Variants in NOVA1 observed in about 807,000 individuals in gnomAD.
NOVA1 encodes the protein NOVA alternative splicing regulator 1.
In NOVA1, 7 loss-of-function variants were observed where a neutral mutation model predicts 38.0. That is an observed-to-expected ratio of 0.18 (90% CI 0.10 to 0.35). The LOEUF is 0.35. Among genes scored for constraint, NOVA1 ranks in the 10% least tolerant of loss-of-function variants. NOVA1 has a pLI of 1.00. For synonymous variants in NOVA1, 270 were observed against 232.5 expected (o/e 1.16, Z -1.47); for missense variants, 460 against 616.0 (o/e 0.75, Z 2.68).
chr14:26,538,098 G>A (rs1325315148), intron 2 of NOVA1, among the ~76,000 whole-genome samples: 1 of 152,148 alleles, frequency 6.6e-6, no homozygotes, highest in African/African-American at 2.4e-5. Flanking sequence ...AAGACTCAGA[G>A]CCAAATCAAG....
intron 2 of NOVA1, among the ~76,000 whole-genome samples, chr14:26,517,134 T>C (rs28575378): frequency 0.021 from 3,230 of 152,170 alleles, 111 homozygotes; most frequent in African/African-American, 0.074. Context: ...CTCGATCTCC[T>C]GACCTTGTGA....
intron 2 of NOVA1, among the ~76,000 whole-genome samples, chr14:26,488,022 G>A (rs1009431539): frequency 6.6e-6 from 1 of 151,920 alleles, no homozygotes; most frequent in Non-Finnish European, 1.5e-5. Flanking sequence ...CAATTACTGA[G>A]GAGAAAATAC....
rs1892563106 is a variant in NOVA1, at chr14:26,572,742, G to GTGTGTGTGTA, written c.280+22667_280+22668insTACACACACA. On this transcript the variant is annotated intron_variant, in intron 2 of 4. Transcript: ENST00000539517. ...GGAACCGCAGTGTGTGTGTGTGTGT[G>GTGTGTGTGTA]TGTGTGTGTGTGTGTGTGTGTGTAT... 4.0e-5 allele frequency among the ~76,000 whole-genome samples: 6 copies of GTGTGTGTGTA among 151,042 alleles called. No individual in the cohort carries two copies. In the South Asian group the frequency reaches 1.3e-3, roughly 32 times the overall value.
chr14:26,542,733 C>CAAAAAA (rs71121888), intron 2 of NOVA1, among the ~76,000 whole-genome samples: 1 of 125,900 alleles, frequency 7.9e-6, no homozygotes, highest in Non-Finnish European at 1.7e-5. Context: ...TTTGTAATGG[C>CAAAAAA]AAAAAAAAAA....
intron 2 of NOVA1, among the ~76,000 whole-genome samples, chr14:26,564,854 G>A (rs1892039534): frequency 6.6e-6 from 1 of 152,072 alleles, no homozygotes; most frequent in Non-Finnish European, 1.5e-5. Flanking sequence ...GAGATAAAAA[G>A]ATACACTTAA....
rs1882019637 is a variant in NOVA1, at chr14:26,445,777, G to C, written c.*2182C>G. 6.6e-6 allele frequency: 1 copy of C among 152,210 alleles called. No homozygotes were observed. The highest frequency in any genetic ancestry group is 2.1e-4 in the South Asian group (1 of 4,822). 9.4% of individuals were successfully genotyped at this position (152,210 alleles called of 1,614,324 possible). A position where few individuals can be genotyped will look rare whatever the true frequency, so the allele number is the denominator to read the frequency against. On this transcript the variant is annotated 3_prime_UTR_variant, in exon 5 of 5. Coordinates refer to ENST00000539517, the MANE Select transcript of NOVA1 (RefSeq NM_002515.3). Reference sequence around the variant, plus strand: ...TTTGCCTTTGTTCACTGCTGACTCTGAGACAGCATGGTGAAAGAAATTTAC... The same window carrying C: ...TTTGCCTTTGTTCACTGCTGACTCTCAGACAGCATGGTGAAAGAAATTTAC...
At chr14:26,520,265 G>A (rs923009675) in intron 2 of NOVA1, among the ~76,000 whole-genome samples, 4 of 152,082 alleles carry the variant, frequency 2.6e-5, no homozygotes, top group African/African-American at 9.7e-5. Context: ...GTATTCACAG[G>A]ATGCAAAACC....
At chr14:26,591,206 A>T (rs1266692264) in intron 2 of NOVA1, among the ~76,000 whole-genome samples, 1 of 151,724 alleles carries the variant, frequency 6.6e-6, no homozygotes, top group East Asian at 1.9e-4. Context: ...ACTAATGTTT[A>T]AGTAAAAGAT....
chr14:26,595,388 A>G (rs367997387), intron 2 of NOVA1, 22 bp downstream of exon 2: 2 of 1,605,018 alleles, frequency 1.2e-6, no homozygotes, highest in Non-Finnish European at 1.7e-6. Flanking sequence ...TCATCAAACA[A>G]TCTCTTCACC....
At chr14:26,503,968 G>C (rs1044599387) in intron 2 of NOVA1, among the ~76,000 whole-genome samples, 10 of 152,024 alleles carry the variant, frequency 6.6e-5, no homozygotes, top group Non-Finnish European at 1.5e-4. Context: ...ATAATGTAAA[G>C]AAAAGCTGAT....
intron 4 of NOVA1, among the ~76,000 whole-genome samples, chr14:26,457,334 A>G (rs547157182): frequency 1.4e-4 from 22 of 152,224 alleles, no homozygotes; most frequent in African/African-American, 5.3e-4. Context: ...CATAGGTTTT[A>G]CAGTCCAGTG....
chr14:26,451,629 A>T (rs940699442), intron 4 of NOVA1, among the ~76,000 whole-genome samples: 1 of 152,058 alleles, frequency 6.6e-6, no homozygotes, highest in Non-Finnish European at 1.5e-5. Flanking sequence ...TGCCTCGGCC[A>T]CCCAAAATGC....
intron 2 of NOVA1, among the ~76,000 whole-genome samples, chr14:26,554,404 A>G (rs1411296844): frequency 6.6e-6 from 1 of 152,178 alleles, no homozygotes. Context: ...TTGAGCAAAG[A>G]GAATGACTAG....
At chr14:26,484,251 G>A (rs1435561434) in intron 2 of NOVA1, among the ~76,000 whole-genome samples, 5 of 151,228 alleles carry the variant, frequency 3.3e-5, no homozygotes, top group Admixed American at 2.0e-4. Context: ...TGGCTAACAC[G>A]GTGAAACCCC....
At chr14:26,487,557 C>A (rs1402911633) in intron 2 of NOVA1, among the ~76,000 whole-genome samples, 2 of 152,010 alleles carry the variant, frequency 1.3e-5, no homozygotes, top group African/African-American at 2.4e-5. Context: ...AGCAACTGTG[C>A]AAAGACATAT....
intron 2 of NOVA1, among the ~76,000 whole-genome samples, chr14:26,482,240 G>C (rs539495774): frequency 2.0e-5 from 3 of 152,134 alleles, no homozygotes; most frequent in African/African-American, 7.2e-5. Context: ...GTTCACAATT[G>C]CAGTACATAC....
Position 26,447,963 on chromosome 14 carries a change from C to G in NOVA1, c.1520G>C (p.Gly507Ala). The change falls in exon 5 of 5, where the codon GGT (glycine) becomes GCT (alanine). Residue 507 changes from glycine to alanine, a missense_variant. Physicochemically the swap from Gly to Ala is moderately conservative, Grantham distance 60 (BLOSUM62 0). Coordinates refer to ENST00000539517, the MANE Select transcript of NOVA1 (RefSeq NM_002515.3). ...GVRAANPQKV[G>A] ...TCTGATGTGTAACTGGGGCACTCAA[C>G]CCACTTTCTGAGGATTGGCAGCCCG... 6.2e-7 allele frequency: 1 copy of G among 1,613,660 alleles called. No homozygotes were observed. Among genetic ancestry groups the G allele is most frequent in the Non-Finnish European group, 8.5e-7 (1 of 1,179,678 alleles).
At chr14:26,486,443 C>T (rs1156549012) in intron 2 of NOVA1, among the ~76,000 whole-genome samples, 1 of 151,892 alleles carries the variant, frequency 6.6e-6, no homozygotes, top group Non-Finnish European at 1.5e-5. Context: ...GGCATGGTGG[C>T]TCACGCTTGT....
chr14:26,470,126 T>A (rs178217), intron 4 of NOVA1: 2 of 639,876 alleles, frequency 3.1e-6, no homozygotes, highest in Admixed American at 5.5e-5. Flanking sequence ...AATAGTTTTC[T>A]GTATTTTTTA....
Sources: gnomAD v4.1 joint callset for allele counts (sites outside exome capture counted in the v4.1 genomes callset) on GRCh38, gnomAD v4.1.1 for gene constraint, MANE v1.5 for transcripts, NCBI Gene and HGNC (gene_info 2026-07-23, HGNC 2026-07-21) for gene names.